Variants in QSOX2 observed in about 807,000 individuals in gnomAD.
The protein encoded by QSOX2 is sulfhydryl oxidase 2.
QSOX2 carries 46 observed loss-of-function variants against 61.7 expected under a neutral mutation model. The ratio of observed to expected loss-of-function variants is 0.75; its 90% CI spans 0.59 to 0.95. The LOEUF (loss-of-function observed/expected upper bound fraction) is 0.95. Among genes scored for constraint, QSOX2 ranks in the 40% least tolerant of loss-of-function variants. The pLI is 0.00. For synonymous variants in QSOX2, 383 were observed against 388.4 expected (o/e 0.99, Z 0.16); for missense variants, 879 against 918.9 (o/e 0.96, Z 0.56).
Position 136,238,129 on chromosome 9 carries a change from G to A in QSOX2, c.328+7347C>T, listed in dbSNP as rs191959219. On this transcript the variant is annotated intron_variant, in intron 1 of 11. Transcript: ENST00000358701. Reference sequence around the variant, plus strand: ...GTGCCCCAGGTCACAGCCCTTGGGCGAGCCTGTGCAACACCCCAACATGAT... The same window carrying A: ...GTGCCCCAGGTCACAGCCCTTGGGCAAGCCTGTGCAACACCCCAACATGAT... Among the ~76,000 whole-genome samples the A allele has an allele frequency of 3.6e-3, 553 of 152,338 alleles. 5 individuals carry two copies. The highest frequency in any genetic ancestry group is 0.017 in the Middle Eastern group (5 of 294).
In QSOX2 at chr9:136,209,073, C is replaced by T. The variant is rs199584626; in HGVS notation, c.1752G>A (p.Leu584=). 21 of 1,614,150 alleles carry T rather than the reference C, an allele frequency of 1.3e-5. No individual in the cohort carries two copies. The highest frequency in any genetic ancestry group is 1.7e-5 in the Non-Finnish European group (20 of 1,180,018). ...DQGDSSEGGT[L]ARGEEEEKRL... ...TTTTCTCCTCTTCCTCACCCCTGGC[C>T]AGGGTTCCTCCTTCACTGGAATCCC... The change falls in exon 12 of 12, where the codon CTG becomes CTA. Residue 584 remains leucine (L), a synonymous_variant. Transcript: ENST00000358701. This position sits in a 1 kb window ranked among gnomAD's most constrained non-coding sequence, Gnocchi z 5.6.
Position 136,209,511 on chromosome 9 carries a change from G to A in QSOX2, c.1550-236C>T. Reference sequence around the variant, plus strand: ...GTGTTCCCCTCTGCCGGTTCCCATAGCCTGCAAGTGAGGAGACGCTACACG... The same window carrying A: ...GTGTTCCCCTCTGCCGGTTCCCATAACCTGCAAGTGAGGAGACGCTACACG... On this transcript the variant is annotated intron_variant, in intron 11 of 11. Transcript: ENST00000358701. The surrounding 1 kb of genome is among the most constrained non-coding windows in gnomAD (Gnocchi z 5.6). 1 of 985,310 alleles carries A rather than the reference G, an allele frequency of 1.0e-6. No individual in the cohort carries two copies. Among genetic ancestry groups the A allele is most frequent in the Non-Finnish European group, 1.2e-6 (1 of 829,894 alleles). 61.0% of individuals were successfully genotyped at this position (985,310 alleles called of 1,614,324 possible). A position where few individuals can be genotyped will look rare whatever the true frequency, so the allele number is the denominator to read the frequency against.
Position 136,215,227 on chromosome 9 carries a change from C to A in QSOX2, c.1287G>T (p.Pro429=). The change falls in exon 10 of 12, where the codon CCG becomes CCT. Residue 429 remains proline (P), a synonymous_variant. Coordinates refer to ENST00000358701, the MANE Select transcript of QSOX2 (RefSeq NM_181701.4). The part of the protein sequence containing the change: ...QGSRSELRGY[P]CSLWKLFHTL... ...TGTGGAACAGTTTCCAGAGAGAACA[C>A]GGGTAACCCCTCAACTCAGATCGGC... 6.2e-7 allele frequency: 1 copy of A among 1,614,102 alleles called. No homozygotes were observed. The highest frequency in any genetic ancestry group is 8.5e-7 in the Non-Finnish European group (1 of 1,180,026).
rs1830470768 is a variant in QSOX2 at position 136,245,789 on chromosome 9, C to G, written c.15G>C (p.Gly5=). The G allele has an allele frequency of 2.6e-6, 3 of 1,157,562 alleles. No individual in the cohort carries two copies. The highest frequency in any genetic ancestry group is 7.7e-5 in the East Asian group (2 of 26,080). 71.7% of individuals were successfully genotyped at this position (1,157,562 alleles called of 1,614,324 possible). A position where few individuals can be genotyped will look rare whatever the true frequency, so the allele number is the denominator to read the frequency against. MAAA[G]AAVARSPGIG... ...TTCCCGGGCTGCGCGCCACCGCCGC[C>G]CCGGCCGCCGCCATGTTGGAAGTGC... is the stretch of plus-strand genomic sequence containing the variant. The change falls in exon 1 of 12, where the codon GGG becomes GGC. Residue 5 remains glycine, a synonymous_variant. Transcript: ENST00000358701.
In QSOX2 at chr9:136,222,364, T is replaced by C. The variant is rs2131057264; in HGVS notation, c.676-423A>G. ...TGCTGCCGCTCCTCCCCAGCCACCC[T>C]GCTCCTGTCTGGTTCTGCTCAGGCT... On this transcript the variant is annotated intron_variant, in intron 5 of 11. Coordinates refer to ENST00000358701, the MANE Select transcript of QSOX2 (RefSeq NM_181701.4). The surrounding 1 kb of genome is among the most constrained non-coding windows in gnomAD (Gnocchi z 6.9). 6.6e-6 allele frequency among the ~76,000 whole-genome samples: 1 copy of C among 152,298 alleles called. No individual in the cohort carries two copies. Among genetic ancestry groups the C allele is most frequent in the East Asian group, 1.9e-4 (1 of 5,178 alleles).
At position 136,221,939 on chromosome 9, in the gene QSOX2, C is replaced by A; in HGVS notation, c.678G>T (p.Val226=). ...ESNSSYLGRE[V]ILDLIPYESI... Reference sequence around the variant, plus strand: ...TTTCATACGGGATCAGGTCTAAGATCACCTGGGGGATGAGAACACAATGAC... The same window carrying A: ...TTTCATACGGGATCAGGTCTAAGATAACCTGGGGGATGAGAACACAATGAC... Residue 226 remains valine, a splice_region_variant and synonymous_variant, in exon 6 of 12, where the codon GTG becomes GTT. Transcript: ENST00000358701. The surrounding 1 kb of genome is among the most constrained non-coding windows in gnomAD (Gnocchi z 4.5). 6.3e-7 allele frequency: 1 copy of A among 1,589,006 alleles called. No individual in the cohort carries two copies. Among genetic ancestry groups the A allele is most frequent in the Non-Finnish European group, 8.6e-7 (1 of 1,166,918 alleles).
At chr9:136,241,074 G>T (rs372901095) in intron 1 of QSOX2, among the ~76,000 whole-genome samples, 1 of 152,178 alleles carries the variant, frequency 6.6e-6, no homozygotes, top group Non-Finnish European at 1.5e-5. Context: ...TGGGTCTCTC[G>T]GTGTAGTCTC....
chr9:136,220,703 T>G (rs562269568), intron 6 of QSOX2, among the ~76,000 whole-genome samples: 1 of 152,232 alleles, frequency 6.6e-6, no homozygotes, highest in Admixed American at 6.5e-5. Flanking sequence ...TTCTCAACCA[T>G]TTTTCATTTT....
intron 1 of QSOX2, among the ~76,000 whole-genome samples, 153 bp from the exon 2 acceptor site, chr9:136,227,027 T>A (rs1023097976): frequency 7.9e-5 from 12 of 152,090 alleles, no homozygotes; most frequent in Non-Finnish European, 1.6e-4. Context: ...ACACAGAGCG[T>A]CTATGTGGAG....
chr9:136,221,366 C>T lies in QSOX2; in HGVS notation c.821+430G>A, dbSNP rs1403634180. 6.6e-6 allele frequency among the ~76,000 whole-genome samples: 1 copy of T among 152,186 alleles called. No individual in the cohort carries two copies. Among genetic ancestry groups the T allele is most frequent in the Admixed American group, 6.5e-5 (1 of 15,288 alleles). ...TGAGGGGCAGGGCCTGGTGCCCACC[C>T]CTACTTCTCATTCTGCAGAGGTGGG... is the stretch of plus-strand genomic sequence containing the variant. On this transcript the variant is annotated intron_variant, in intron 6 of 11. Transcript: ENST00000358701. This position sits in a 1 kb window ranked among gnomAD's most constrained non-coding sequence, Gnocchi z 4.5.
intron 1 of QSOX2, among the ~76,000 whole-genome samples, chr9:136,230,524 G>A (rs528685809): frequency 5.9e-5 from 9 of 152,252 alleles, no homozygotes; most frequent in Admixed American, 6.5e-5. Context: ...ACCGCAGGGC[G>A]CTGCCCAAAA....
chr9:136,220,710 TTTTC>T (rs1254961289), intron 6 of QSOX2, among the ~76,000 whole-genome samples: 3 of 152,002 alleles, frequency 2.0e-5, no homozygotes, highest in Non-Finnish European at 2.9e-5. Flanking sequence ...CCATTTTTCA[TTTTC>T]TTTCTTTTTT....
intron 9 of QSOX2, 143 bp downstream of exon 9, chr9:136,216,457 C>A: frequency 8.9e-7 from 1 of 1,123,462 alleles, no homozygotes; most frequent in Non-Finnish European, 1.3e-6. Context: ...GGCCATGATG[C>A]TGTCGTGGAG....
intron 1 of QSOX2, among the ~76,000 whole-genome samples, chr9:136,233,138 C>G (rs375172366): frequency 6.6e-6 from 1 of 152,054 alleles, no homozygotes; most frequent in Admixed American, 6.6e-5. Context: ...CAGGACTGCC[C>G]TTAGCTATAA....
intron 1 of QSOX2, among the ~76,000 whole-genome samples, chr9:136,230,996 C>T (rs1046477411): frequency 6.6e-6 from 1 of 152,236 alleles, no homozygotes; most frequent in African/African-American, 2.4e-5. Flanking sequence ...TCCCTGACCC[C>T]CTGCCCAGGC....
At chr9:136,242,805 G>A (rs1275476419) in intron 1 of QSOX2, among the ~76,000 whole-genome samples, 1 of 152,228 alleles carries the variant, frequency 6.6e-6, no homozygotes, top group Non-Finnish European at 1.5e-5. Context: ...ACTCCTCAGT[G>A]CCAAGGGCCT....
intron 9 of QSOX2, 37 bp from the exon 10 acceptor site, chr9:136,215,341 A>C (rs534955428): frequency 1.4e-6 from 2 of 1,467,600 alleles, no homozygotes; most frequent in Non-Finnish European, 1.8e-6. Flanking sequence ...CCAAAGAATA[A>C]AAGATAATTG....
intron 1 of QSOX2, among the ~76,000 whole-genome samples, chr9:136,235,824 C>T (rs1045073427): frequency 1.3e-5 from 2 of 152,200 alleles, no homozygotes; most frequent in African/African-American, 4.8e-5. Flanking sequence ...TCCAAGACCA[C>T]GGACTCCGGG....
intron 1 of QSOX2, among the ~76,000 whole-genome samples, chr9:136,234,126 A>G (rs957440928): frequency 6.6e-6 from 1 of 150,954 alleles, no homozygotes; most frequent in African/African-American, 2.5e-5. Context: ...GGCCAGGACA[A>G]AGGCCTTCAC....
Sources: allele counts gnomAD v4.1 joint callset (sites outside exome capture counted in the v4.1 genomes callset), GRCh38; gene constraint gnomAD v4.1.1; non-coding constraint Gnocchi (gnomAD v3.1); transcripts MANE v1.5; gene names NCBI Gene and HGNC (gene_info 2026-07-23, HGNC 2026-07-21).